The following RNF130 variants were observed in gnomAD, a reference collection of about 807,000 sequenced individuals.
RNF130 encodes E3 ubiquitin-protein ligase RNF130.
RNF130 carries 21 observed loss-of-function variants against 44.6 expected under a neutral mutation model. The ratio of observed to expected loss-of-function variants is 0.47; its 90% confidence interval spans 0.33 to 0.68. RNF130 has a LOEUF of 0.68. Ranked by LOEUF, RNF130 falls within the 30% of genes least tolerant of loss-of-function variation. RNF130 has a pLI of 0.02. For synonymous variants in RNF130, 214 were observed against 210.4 expected (o/e 1.02, Z -0.15); for missense variants, 479 against 560.6 (o/e 0.85, Z 1.47).
chr5:180,005,359 C>T (rs914332077), intron 3 of RNF130, among the ~76,000 whole-genome samples: 12 of 152,176 alleles, frequency 7.9e-5, no homozygotes, highest in Middle Eastern at 6.8e-3. Flanking sequence ...ACCTGGGAGG[C>T]GGAGCTTGCA....
At chr5:179,969,174 A>G (rs1762525952) in intron 6 of RNF130, among the ~76,000 whole-genome samples, 1 of 152,166 alleles carries the variant, frequency 6.6e-6, no homozygotes, top group Non-Finnish European at 1.5e-5. Flanking sequence ...AATAAAAAGC[A>G]TAACCCTGGC....
Position 179,966,682 on chromosome 5 carries a change from C to T in RNF130, c.1150+124G>A, listed in dbSNP as rs562652911. 6.3e-5 allele frequency: 48 copies of T among 761,686 alleles called. 1 individual carries two copies. In the South Asian group the frequency reaches 8.1e-4, roughly 13 times the overall value. The allele number at this position is 761,686 out of a possible 1,614,324, so 47.2% of individuals were successfully genotyped here. On this transcript the variant is annotated intron_variant, in intron 7 of 8. Coordinates refer to ENST00000521389, the MANE Select transcript of RNF130 (RefSeq NM_018434.6). ...CCAAATACCTGTTTTAACAGCAACA[C>T]ACATCACTTTCTTGGTTACAGTCTG...
intron 3 of RNF130, among the ~76,000 whole-genome samples, chr5:179,989,512 T>A (rs1170764864): frequency 6.6e-6 from 1 of 152,216 alleles, no homozygotes. Flanking sequence ...ATTTACGTTT[T>A]TTAATTTTTA....
At chr5:180,028,649 C>A (rs539992515) in intron 2 of RNF130, among the ~76,000 whole-genome samples, 23 of 152,302 alleles carry the variant, frequency 1.5e-4, no homozygotes, top group Admixed American at 1.4e-3. Context: ...TTACTTCAGG[C>A]GTGTGTGTTT....
intron 3 of RNF130, among the ~76,000 whole-genome samples, chr5:180,007,314 T>C (rs1046750272): frequency 5.3e-5 from 8 of 152,256 alleles, no homozygotes; most frequent in Middle Eastern, 3.4e-3. Flanking sequence ...GGCAGGAGAA[T>C]TGCTTAAGCC....
intron 5 of RNF130, among the ~76,000 whole-genome samples, chr5:179,970,958 C>A (rs936525947): frequency 5.3e-5 from 8 of 152,154 alleles, no homozygotes; most frequent in African/African-American, 1.7e-4. Flanking sequence ...TTTAAAACAT[C>A]ATTTTTAAAA....
intron 2 of RNF130, among the ~76,000 whole-genome samples, chr5:180,020,097 A>G (rs1009649560): frequency 6.6e-6 from 1 of 152,208 alleles, no homozygotes; most frequent in African/African-American, 2.4e-5. Context: ...TGGTCAGGAC[A>G]CAGGACACAG....
At chr5:179,986,657 G>A (rs550533047) in intron 3 of RNF130, among the ~76,000 whole-genome samples, 2 of 152,192 alleles carry the variant, frequency 1.3e-5, no homozygotes, top group South Asian at 4.1e-4. Flanking sequence ...ATTTTATGCG[G>A]TTATGATTTA....
At chr5:179,930,436 G>A (rs1417057347) in intron 7 of RNF130, among the ~76,000 whole-genome samples, 1 of 152,122 alleles carries the variant, frequency 6.6e-6, no homozygotes, top group Non-Finnish European at 1.5e-5. Flanking sequence ...CATTTTAAGA[G>A]CTGATTTGTA....
chr5:179,935,813 C>A (rs17079808), intron 7 of RNF130, among the ~76,000 whole-genome samples: 1 of 151,712 alleles, frequency 6.6e-6, no homozygotes, highest in East Asian at 1.9e-4. Context: ...GATTATGACA[C>A]GTATCCTTGA....
At chr5:180,007,368 T>C (rs1199858524) in intron 3 of RNF130, among the ~76,000 whole-genome samples, 1 of 152,172 alleles carries the variant, frequency 6.6e-6, no homozygotes, top group East Asian at 1.9e-4. Context: ...GCCACTGCAC[T>C]CCAGCCTGGG....
chr5:180,018,421 G>A (rs1170408904), intron 2 of RNF130, among the ~76,000 whole-genome samples: 2 of 152,204 alleles, frequency 1.3e-5, no homozygotes, highest in African/African-American at 4.8e-5. Context: ...CAGGGCAGCA[G>A]GAGAGAGAAC....
downstream of RNF130, chr5:179,955,019 T>C (rs969822710): frequency 6.6e-6 from 1 of 152,228 alleles, no homozygotes; most frequent in Admixed American, 6.5e-5. Context: ...AGGTAATAAT[T>C]TATTACTAAT....
At chr5:179,940,421 A>C (rs1197370804) in intron 7 of RNF130, among the ~76,000 whole-genome samples, 1 of 151,752 alleles carries the variant, frequency 6.6e-6, no homozygotes, top group Non-Finnish European at 1.5e-5. Flanking sequence ...GGGTTTCACC[A>C]TGTTGGCCAG....
At chr5:180,003,239 G>A (rs989205464) in intron 3 of RNF130, among the ~76,000 whole-genome samples, 4 of 152,124 alleles carry the variant, frequency 2.6e-5, no homozygotes, top group African/African-American at 9.7e-5. Flanking sequence ...TTTGAGGAGA[G>A]GTGCCCCCAG....
At chr5:180,033,117 G>A (rs984459112) in intron 2 of RNF130, among the ~76,000 whole-genome samples, 1 of 152,044 alleles carries the variant, frequency 6.6e-6, no homozygotes, top group Non-Finnish European at 1.5e-5. Flanking sequence ...GGGACCACAG[G>A]TGAATACTGC....
chr5:179,967,574 GGA>G (rs1474482589), intron 6 of RNF130, among the ~76,000 whole-genome samples: 1 of 152,332 alleles, frequency 6.6e-6, no homozygotes, highest in East Asian at 1.9e-4. Context: ...TAATCCTGAG[GGA>G]GAGGTATAGA....
At chr5:179,962,475 T>C (rs190312017) in intron 8 of RNF130, among the ~76,000 whole-genome samples, 2 of 152,318 alleles carry the variant, frequency 1.3e-5, no homozygotes, top group East Asian at 1.9e-4. Context: ...TAATTGAATA[T>C]GGAGATCACG....
chr5:180,037,143 C>A (rs1764267325), intron 2 of RNF130, among the ~76,000 whole-genome samples: 1 of 152,214 alleles, frequency 6.6e-6, no homozygotes, highest in African/African-American at 2.4e-5. Context: ...AAACGTGCCA[C>A]AATTAATCCA....
Sources: allele counts gnomAD v4.1 joint callset (sites outside exome capture counted in the v4.1 genomes callset), GRCh38; gene constraint gnomAD v4.1.1; transcripts MANE v1.5; gene names NCBI Gene and HGNC (gene_info 2026-07-23, HGNC 2026-07-21).